Variants in NAV2 observed in about 807,000 individuals in gnomAD.
NAV2 encodes helicase, APC down-regulated 1.
A neutral mutation model predicts 223.2 loss-of-function variants in NAV2; 54 were observed. The ratio of observed to expected loss-of-function variants is 0.24; its 90% CI spans 0.19 to 0.30. The LOEUF is 0.30. Ranked by LOEUF, NAV2 falls within the 10% of genes least tolerant of loss-of-function variation. NAV2 has a pLI of 1.00. For missense variants in NAV2, 2,806 were observed against 3,147.5 expected (o/e 0.89, Z 2.60); for synonymous variants, 1,279 against 1,239.3 (o/e 1.03, Z -0.67).
At chr11:19,819,421 G>A (rs376449775) in intron 1 of NAV2, among the ~76,000 whole-genome samples, 1 of 152,180 alleles carries the variant, frequency 6.6e-6, no homozygotes, top group African/African-American at 2.4e-5. Flanking sequence ...AGGCTGGGGA[G>A]CCTGTCCCAC....
At chr11:19,396,393 G>A (rs900232321) in intron 1 of NAV2, among the ~76,000 whole-genome samples, 3 of 152,162 alleles carry the variant, frequency 2.0e-5, no homozygotes, top group Non-Finnish European at 4.4e-5. Context: ...CCTTAGGTTG[G>A]CGTTTAAAGT....
chr11:19,777,272 C>T (rs936869128), intron 1 of NAV2, among the ~76,000 whole-genome samples: 3 of 151,530 alleles, frequency 2.0e-5, no homozygotes, highest in African/African-American at 7.3e-5. Context: ...GGGTAGGGTC[C>T]CCGCGCGCAG....
intron 1 of NAV2, among the ~76,000 whole-genome samples, chr11:19,416,186 T>C (rs1366628910): frequency 1.3e-5 from 2 of 152,126 alleles, no homozygotes; most frequent in Non-Finnish European, 2.9e-5. Context: ...GATTGTATAT[T>C]TAGAAAACCC....
In NAV2 at chr11:19,404,155, G is replaced by A. The variant is rs77635645; in HGVS notation, c.75+53128G>A. Among the ~76,000 whole-genome samples the A allele has an allele frequency of 9.0e-3, 1,366 of 152,282 alleles. 12 individuals are homozygous for A. Among genetic ancestry groups the A allele is most frequent in the African/African-American group, 0.025 (1,058 of 41,578 alleles). ...AGAGAGGTTGGGAGCCCAATTGCTC[G>A]GGGCCCTGGCATAATCTTTGCCAAG... On this transcript the variant is annotated intron_variant, in intron 1 of 37. Transcript: ENST00000360655.
At chr11:20,047,643 A>G (rs2057577188) in intron 14 of NAV2, among the ~76,000 whole-genome samples, 1 of 152,186 alleles carries the variant, frequency 6.6e-6, no homozygotes, top group Non-Finnish European at 1.5e-5. Context: ...ACATTAGGAT[A>G]TTTCATTCCC....
At chr11:19,651,987 C>T (rs1378871214) in intron 1 of NAV2, among the ~76,000 whole-genome samples, 6 of 152,118 alleles carry the variant, frequency 3.9e-5, no homozygotes, top group South Asian at 2.1e-4. Flanking sequence ...ACTTTGAGGA[C>T]GTTGAGTGAC....
At chr11:19,482,757 A>G (rs937675890) in intron 1 of NAV2, among the ~76,000 whole-genome samples, 3 of 152,238 alleles carry the variant, frequency 2.0e-5, no homozygotes, top group Non-Finnish European at 4.4e-5. Flanking sequence ...AACGCCCAAC[A>G]TACCTTAGTA....
At chr11:20,088,773 G>T (rs1440122997) in intron 26 of NAV2, among the ~76,000 whole-genome samples, 1 of 152,120 alleles carries the variant, frequency 6.6e-6, no homozygotes, top group Non-Finnish European at 1.5e-5. Context: ...CTTGAGCAAG[G>T]TGCCTTATCG....
intron 1 of NAV2, among the ~76,000 whole-genome samples, chr11:19,530,404 C>G (rs561680038): frequency 2.6e-5 from 4 of 152,170 alleles, no homozygotes; most frequent in Non-Finnish European, 5.9e-5. Context: ...ATTGGCTATG[C>G]CCTATGTGCT....
At chr11:19,891,383 T>A (rs2041485601) in intron 5 of NAV2, among the ~76,000 whole-genome samples, 1 of 152,224 alleles carries the variant, frequency 6.6e-6, no homozygotes, top group Non-Finnish European at 1.5e-5. Context: ...AGTAATTCCC[T>A]GGACCAAAAT....
At chr11:19,971,952 G>A (rs1340245935) in intron 10 of NAV2, among the ~76,000 whole-genome samples, 5 of 152,084 alleles carry the variant, frequency 3.3e-5, no homozygotes, top group African/African-American at 1.2e-4. Context: ...ATCCACCCAC[G>A]TTGGCCTCCC....
At position 20,077,984 on chromosome 11, in the gene NAV2, GT is replaced by G. The variant is rs748145659; in HGVS notation, c.5068-7del. ...TTTAGGCTGACCAATAATTTTTTCT[GT>G]TCCCTAGGACTCAGAACTGAATGAG... On this transcript the variant is annotated splice_polypyrimidine_tract_variant and splice_region_variant and intron_variant, in intron 23 of 37. Transcript: ENST00000349880. 1.9e-6 allele frequency: 3 copies of G among 1,604,482 alleles called. No individual in the cohort carries two copies. The highest frequency in any genetic ancestry group is 1.1e-5 in the South Asian group (1 of 90,462).
At chr11:19,999,198 A>G (rs1259815448) in intron 11 of NAV2, among the ~76,000 whole-genome samples, 4 of 152,192 alleles carry the variant, frequency 2.6e-5, no homozygotes, top group African/African-American at 9.6e-5. Flanking sequence ...CCTGGCATAA[A>G]TCAACCCTGC....
intron 1 of NAV2, among the ~76,000 whole-genome samples, chr11:19,716,197 G>A (rs938414617): frequency 6.6e-6 from 1 of 152,274 alleles, no homozygotes; most frequent in Non-Finnish European, 1.5e-5. Flanking sequence ...CTCTCTTGGG[G>A]CCCCTGACTC....
intron 4 of NAV2, among the ~76,000 whole-genome samples, chr11:19,875,220 T>C (rs1380237093): frequency 2.0e-5 from 3 of 152,212 alleles, no homozygotes; most frequent in African/African-American, 7.2e-5. Context: ...TGTAGGGTTA[T>C]GTCCTGATAA....
At chr11:19,357,700 C>T (rs1853699865) in intron 1 of NAV2, among the ~76,000 whole-genome samples, 1 of 152,170 alleles carries the variant, frequency 6.6e-6, no homozygotes, top group Admixed American at 6.5e-5. Context: ...GTGTTATGCA[C>T]ATCTTTCTAA....
intron 6 of NAV2, among the ~76,000 whole-genome samples, chr11:19,924,784 C>G (rs951874416): frequency 2.6e-5 from 4 of 152,114 alleles, no homozygotes; most frequent in African/African-American, 9.7e-5. Flanking sequence ...TCAGGAGCAC[C>G]TGATTTTAAT....
At position 20,045,584 on chromosome 11, in the gene NAV2, G is replaced by C; in HGVS notation, c.3816G>C (p.Pro1272=). ...CCTGTAACTCGGTGAAAGTGAATCC[G>C]GCAGCCCAGCCTGTGTCCAGTCCGG... The part of the protein sequence containing the change: ...VASCNSVKVN[P]AAQPVSSPAQ... The change falls in exon 14 of 38, where the codon CCG becomes CCC. Residue 1272 remains proline, a synonymous_variant. Transcript: ENST00000349880. 6.2e-7 allele frequency: 1 copy of C among 1,614,168 alleles called. No homozygotes were observed. The highest frequency in any genetic ancestry group is 8.5e-7 in the Non-Finnish European group (1 of 1,180,022).
intron 1 of NAV2, among the ~76,000 whole-genome samples, chr11:19,621,624 C>G (rs190517841): frequency 3.3e-5 from 5 of 151,864 alleles, no homozygotes; most frequent in African/African-American, 7.3e-5. Flanking sequence ...TTTTTTATTG[C>G]GTCTATTTGA....
Sources: gnomAD v4.1 joint callset for allele counts (sites outside exome capture counted in the v4.1 genomes callset) on GRCh38, gnomAD v4.1.1 for gene constraint, MANE v1.5 for transcripts, NCBI Gene and HGNC (gene_info 2026-07-23, HGNC 2026-07-21) for gene names.